ERO1A: variants seen among roughly 807,000 people sequenced by gnomAD.
ERO1A encodes ERO1-like protein alpha.
ERO1A carries 49 observed loss-of-function variants against 76.9 expected under a neutral mutation model. The ratio of observed to expected loss-of-function variants is 0.64; its 90% CI spans 0.51 to 0.81. ERO1A has a LOEUF of 0.81. Ranked by LOEUF, ERO1A falls within the 30% of genes least tolerant of loss-of-function variation. The probability of loss-of-function intolerance (pLI) is 0.00; values close to 1 mark genes in which losing one functional copy is unlikely to be tolerated. For missense variants in ERO1A, 448 were observed against 542.1 expected (o/e 0.83, Z 1.72); for synonymous variants, 174 against 181.2 (o/e 0.96, Z 0.32).
chr14:52,646,273 G>A lies in ERO1A; in HGVS notation c.1227C>T (p.Gly409=). ...LWGKLQTQGL[G]TALKILFSEK... ...CAGAAAATAAGATCTTCAGAGCAGT[G>A]CCCAAACCCTGAGTCTGTAATAGAA... Residue 409 remains glycine (G), a synonymous_variant, in exon 15 of 16, where the codon GGC becomes GGT. Coordinates refer to ENST00000395686, the MANE Select transcript of ERO1A (RefSeq NM_014584.3). 6.2e-7 allele frequency: 1 copy of A among 1,611,272 alleles called. No homozygotes were observed. Among genetic ancestry groups the A allele is most frequent in the Non-Finnish European group, 8.5e-7 (1 of 1,179,258 alleles).
chr14:52,666,616 T>A (rs2040419028), intron 6 of ERO1A, 121 bp from the exon 7 acceptor site: 2 of 934,088 alleles, frequency 2.1e-6, no homozygotes, highest in East Asian at 5.9e-5. Flanking sequence ...TCAGGAATTT[T>A]AAAACAACTT....
rs1439815667 is a variant in ERO1A, at chr14:52,640,879, C to T, written c.*2691G>A. ...ACACACACAGGTGTCTCTGGGACAA[C>T]CAAGAAAAGTGCAACAGGCAGATGG... On this transcript the variant is annotated 3_prime_UTR_variant, in exon 16 of 16. Transcript: ENST00000395686. 2 of 151,770 alleles carry T rather than the reference C, an allele frequency of 1.3e-5. No individual in the cohort carries two copies. The highest frequency in any genetic ancestry group is 4.8e-5 in the African/African-American group (2 of 41,254). The allele number at this position is 151,770 out of a possible 1,614,324, so 9.4% of individuals were successfully genotyped here.
At chr14:52,666,822 TCG>T (rs753897602) in intron 6 of ERO1A, among the ~76,000 whole-genome samples, 4 of 152,096 alleles carry the variant, frequency 2.6e-5, no homozygotes, top group Non-Finnish European at 5.9e-5. Flanking sequence ...TCCCAGCTAC[TCG>T]AGAGGCTGCA....
intron 4 of ERO1A, 95 bp downstream of exon 4, chr14:52,678,339 T>C (rs1005489339): frequency 2.3e-5 from 21 of 907,144 alleles, no homozygotes; most frequent in Non-Finnish European, 3.5e-5. Flanking sequence ...GTTTCACCAC[T>C]GGAAGCAGAT....
intron 15 of ERO1A, among the ~76,000 whole-genome samples, chr14:52,645,842 A>G (rs2039631634): frequency 1.0e-5 from 1 of 97,886 alleles, no homozygotes; most frequent in South Asian, 4.1e-4. Context: ...TGTTTCTACT[A>G]AAAATACACA....
intron 1 of ERO1A, among the ~76,000 whole-genome samples, chr14:52,687,533 A>G (rs932859537): frequency 1.3e-5 from 2 of 152,238 alleles, no homozygotes; most frequent in African/African-American, 4.8e-5. Flanking sequence ...TATTACCTCA[A>G]CTAAGACCAA....
At chr14:52,671,165 C>T (rs1364196517) in intron 6 of ERO1A, among the ~76,000 whole-genome samples, 1 of 152,160 alleles carries the variant, frequency 6.6e-6, no homozygotes, top group Non-Finnish European at 1.5e-5. Flanking sequence ...GTAGTATGTA[C>T]CAGAACTTCA....
chr14:52,650,137 T>C (rs1371828209), intron 13 of ERO1A, among the ~76,000 whole-genome samples: 1 of 152,082 alleles, frequency 6.6e-6, no homozygotes, highest in Non-Finnish European at 1.5e-5. Flanking sequence ...GAAGATGGCT[T>C]GAACCCAGGA....
intron 2 of ERO1A, among the ~76,000 whole-genome samples, chr14:52,682,800 G>A (rs904375363): frequency 6.6e-6 from 1 of 152,068 alleles, no homozygotes; most frequent in Non-Finnish European, 1.5e-5. Context: ...TCGGGAGGCT[G>A]AGGCAGGAGA....
At chr14:52,647,394 C>G (rs1044335789) in intron 13 of ERO1A, among the ~76,000 whole-genome samples, 4 of 151,636 alleles carry the variant, frequency 2.6e-5, no homozygotes, top group African/African-American at 9.7e-5. Flanking sequence ...ATTACTATTA[C>G]TATTAAAATG....
At chr14:52,672,541 G>C (rs1364598384) in intron 4 of ERO1A, among the ~76,000 whole-genome samples, 2 of 151,838 alleles carry the variant, frequency 1.3e-5, no homozygotes, top group Admixed American at 6.6e-5. Flanking sequence ...GGCCAAAGTG[G>C]AAAGTTTGCT....
At chr14:52,694,750 A>G (rs564517037) in intron 1 of ERO1A, among the ~76,000 whole-genome samples, 1 of 152,282 alleles carries the variant, frequency 6.6e-6, no homozygotes, top group South Asian at 2.1e-4. Flanking sequence ...CTTCCTCCCA[A>G]TTCGTACCAG....
rs571987715 is a variant in ERO1A at position 52,691,219 on chromosome 14, T to A, written c.114+4149A>T. The stretch of plus-strand genomic sequence containing the variant: ...AAAAAAATAACATAAAAAGTACTCA[T>A]CTGTTGACAGAAGTACACTGGGACA... On this transcript the variant is annotated intron_variant, in intron 1 of 15. Coordinates refer to ENST00000395686, the MANE Select transcript of ERO1A (RefSeq NM_014584.3). 2.1e-4 allele frequency among the ~76,000 whole-genome samples: 32 copies of A among 152,316 alleles called. 1 individual carries two copies. The South Asian group carries it at 6.0e-3, about 29-fold the overall frequency.
At chr14:52,649,365 T>A (rs1382902308) in intron 13 of ERO1A, among the ~76,000 whole-genome samples, 2 of 152,250 alleles carry the variant, frequency 1.3e-5, no homozygotes, top group African/African-American at 4.8e-5. Flanking sequence ...ATGAGATTTT[T>A]AAAATTAATT....
intron 1 of ERO1A, among the ~76,000 whole-genome samples, chr14:52,690,451 T>C (rs971562748): frequency 1.3e-5 from 2 of 152,112 alleles, no homozygotes; most frequent in Non-Finnish European, 2.9e-5. Context: ...AATTAAAAAA[T>C]GGGCAAGGGC....
At chr14:52,687,639 G>T (rs1173070804) in intron 1 of ERO1A, among the ~76,000 whole-genome samples, 1 of 152,148 alleles carries the variant, frequency 6.6e-6, no homozygotes, top group African/African-American at 2.4e-5. Flanking sequence ...TGCGGGTAAG[G>T]GGGAAAATTA....
intron 9 of ERO1A, among the ~76,000 whole-genome samples, chr14:52,659,766 C>T (rs2040169506): frequency 6.7e-6 from 1 of 150,278 alleles, no homozygotes; most frequent in Admixed American, 6.7e-5. Context: ...CTGCTTAGGA[C>T]CTAGGCTTCC....
At chr14:52,675,379 C>A (rs1184321590) in intron 4 of ERO1A, among the ~76,000 whole-genome samples, 1 of 150,468 alleles carries the variant, frequency 6.6e-6, no homozygotes, top group African/African-American at 2.4e-5. Context: ...GAGCAAAACT[C>A]CGTCTCAAAA....
At chr14:52,681,960 C>T (rs1245006798) in intron 3 of ERO1A, among the ~76,000 whole-genome samples, 1 of 152,152 alleles carries the variant, frequency 6.6e-6, no homozygotes. Context: ...ATATTAACCA[C>T]AAAATGTTAA....
Sources: allele counts gnomAD v4.1 joint callset (sites outside exome capture counted in the v4.1 genomes callset), GRCh38; gene constraint gnomAD v4.1.1; transcripts MANE v1.5; gene names NCBI Gene and HGNC (gene_info 2026-07-23, HGNC 2026-07-21).